RPSA2: variants seen among roughly 807,000 people sequenced by gnomAD.
RPSA2 encodes the protein ribosomal protein SA 2, also known as small ribosomal subunit protein uS2B.
At chr19:23,847,653 G>A in the RPSA2 span, among the ~76,000 whole-genome samples, 11 of 152,234 alleles carry the variant, frequency 7.2e-5, no homozygotes, top group Admixed American at 7.2e-4. Context: ...CAGAAAACAG[G>A]GTTTGAGAGC....
chr19:23,834,597 G>A, the RPSA2 span, among the ~76,000 whole-genome samples: 4 of 151,946 alleles, frequency 2.6e-5, no homozygotes, highest in South Asian at 4.1e-4. Flanking sequence ...TTAAAATTAG[G>A]TTAGTAATGT....
the RPSA2 span, among the ~76,000 whole-genome samples, chr19:23,854,285 C>G: frequency 2.0e-5 from 3 of 152,130 alleles, no homozygotes; most frequent in African/African-American, 7.2e-5. Context: ...GCCAGTGACC[C>G]CCGTGGGGAC....
the RPSA2 span, among the ~76,000 whole-genome samples, chr19:23,856,956 A>G: frequency 2.0e-5 from 3 of 152,224 alleles, no homozygotes; most frequent in East Asian, 5.8e-4. Context: ...ACAAGGTTTG[A>G]GAGCAGAGAA....
chr19:23,799,678 C>CAG, the RPSA2 span, among the ~76,000 whole-genome samples: 1 of 66,828 alleles, frequency 1.5e-5, no homozygotes, highest in Non-Finnish European at 3.0e-5. Flanking sequence ...GAGAGAGGTA[C>CAG]TGCTTTAAAA....
the RPSA2 span, among the ~76,000 whole-genome samples, chr19:23,846,420 C>T: frequency 6.6e-6 from 1 of 151,240 alleles, no homozygotes; most frequent in Admixed American, 6.6e-5. Context: ...AAATTATGTC[C>T]TATTGTGATT....
At chr19:23,765,597 A>G in the RPSA2 span, among the ~76,000 whole-genome samples, 2 of 152,206 alleles carry the variant, frequency 1.3e-5, no homozygotes, top group African/African-American at 2.4e-5. Context: ...GGGAACACAT[A>G]GACCCGTAGA....
chr19:23,853,515 G>A, the RPSA2 span, among the ~76,000 whole-genome samples: 1 of 152,222 alleles, frequency 6.6e-6, no homozygotes, highest in Non-Finnish European at 1.5e-5. Context: ...CCATTATAAA[G>A]GCATAGGATT....
At chr19:23,808,686 C>A in the RPSA2 span, 1 of 579,626 alleles carries the variant, frequency 1.7e-6, no homozygotes, top group Non-Finnish European at 3.1e-6. Flanking sequence ...AGAATATGAG[C>A]AAGATTCATG....
At chr19:23,869,082 T>C in the RPSA2 span, among the ~76,000 whole-genome samples, 2 of 152,166 alleles carry the variant, frequency 1.3e-5, no homozygotes, top group African/African-American at 2.4e-5. Flanking sequence ...CAAAAACATA[T>C]TGGGCATAGG....
At chr19:23,833,199 A>T in the RPSA2 span, 5 of 1,187,024 alleles carry the variant, frequency 4.2e-6, no homozygotes, top group African/African-American at 6.5e-5. Context: ...AACATAAGAA[A>T]ATTTATACTT....
chr19:23,870,436 A>G, the RPSA2 span, among the ~76,000 whole-genome samples: 2 of 152,146 alleles, frequency 1.3e-5, no homozygotes, highest in African/African-American at 2.4e-5. Context: ...CCAACTTAGA[A>G]TATAACCAAA....
At chr19:23,807,431 A>G in the RPSA2 span, among the ~76,000 whole-genome samples, 24 of 152,196 alleles carry the variant, frequency 1.6e-4, no homozygotes, top group Non-Finnish European at 2.9e-4. Flanking sequence ...TTAAAATTTG[A>G]GTGGTACCTT....
the RPSA2 span, among the ~76,000 whole-genome samples, chr19:23,860,131 C>T: frequency 6.6e-6 from 1 of 152,172 alleles, no homozygotes; most frequent in Non-Finnish European, 1.5e-5. Flanking sequence ...AAACACAGAG[C>T]TGCTCATATT....
the RPSA2 span, among the ~76,000 whole-genome samples, chr19:23,784,836 A>G: frequency 1.3e-5 from 2 of 152,220 alleles, no homozygotes; most frequent in African/African-American, 2.4e-5. Context: ...ATTTCAGCAC[A>G]CATATGAGGC....
the RPSA2 span, among the ~76,000 whole-genome samples, chr19:23,854,423 T>C: frequency 2.0e-5 from 3 of 152,078 alleles, no homozygotes; most frequent in African/African-American, 7.2e-5. Flanking sequence ...CCCACCTGGG[T>C]TGGCTGTAGG....
the RPSA2 span, among the ~76,000 whole-genome samples, chr19:23,761,934 T>TCTCTCTCTCTCTCTCTCTC: frequency 7.7e-5 from 10 of 129,888 alleles, no homozygotes; most frequent in East Asian, 4.7e-4. Context: ...TTTTTTTTTT[T>TCTCTCTCTCTCTCTCTCTC]TGAGATGGAG....
chr19:23,777,225 T>C, the RPSA2 span, among the ~76,000 whole-genome samples: 148,993 of 152,324 alleles, frequency 0.98, 72,959 homozygotes, highest in Middle Eastern at 1. Flanking sequence ...GAAAGTTTGA[T>C]ATATTGCTTG....
At chr19:23,865,595 A>G in the RPSA2 span, among the ~76,000 whole-genome samples, 1 of 152,190 alleles carries the variant, frequency 6.6e-6, no homozygotes, top group African/African-American at 2.4e-5. Flanking sequence ...TATTGAAAAT[A>G]ATGAGCAGGA....
chr19:23,763,673 C>T, the RPSA2 span, among the ~76,000 whole-genome samples: 1 of 152,056 alleles, frequency 6.6e-6, no homozygotes, highest in South Asian at 2.1e-4. Flanking sequence ...TTCGCCATGG[C>T]GGAAGGTGGT....
Sources: allele counts gnomAD v4.1 joint callset (sites outside exome capture counted in the v4.1 genomes callset), GRCh38; gene constraint gnomAD v4.1.1; transcripts MANE v1.5; gene names NCBI Gene and HGNC (gene_info 2026-07-23, HGNC 2026-07-21).